Variants in LIFR observed in about 807,000 individuals in gnomAD.
The protein encoded by LIFR is leukemia inhibitory factor receptor.
LIFR carries 84 observed loss-of-function variants against 122.2 expected under a neutral mutation model. The ratio of observed to expected loss-of-function variants is 0.69; its 90% confidence interval spans 0.58 to 0.82. The LOEUF (loss-of-function observed/expected upper bound fraction) is 0.82. Among genes scored for constraint, LIFR ranks in the 40% least tolerant of loss-of-function variants. The pLI is 0.00. For missense variants in LIFR, 1,294 were observed against 1,311.6 expected (o/e 0.99, Z 0.21); for synonymous variants, 422 against 434.7 (o/e 0.97, Z 0.36).
intron 1 of LIFR, among the ~76,000 whole-genome samples, chr5:38,562,741 T>G (rs530051320): frequency 3.3e-5 from 5 of 152,316 alleles, no homozygotes; most frequent in Non-Finnish European, 7.3e-5. Context: ...GAATATATTA[T>G]TCTAAATATT....
intron 1 of LIFR, among the ~76,000 whole-genome samples, chr5:38,569,684 G>C (rs1749147050): frequency 6.6e-6 from 1 of 152,186 alleles, no homozygotes; most frequent in Non-Finnish European, 1.5e-5. Flanking sequence ...CTGCCCTACT[G>C]TGTGTCTTAC....
chr5:38,567,878 G>A (rs910725571), intron 1 of LIFR, among the ~76,000 whole-genome samples: 3 of 152,082 alleles, frequency 2.0e-5, no homozygotes, highest in Non-Finnish European at 4.4e-5. Context: ...TTCCCCCAGA[G>A]CAACTTAGGA....
Position 38,528,815 on chromosome 5 carries a change from T to G in LIFR, c.168A>C (p.Val56=), listed in dbSNP as rs1207516555. 4.4e-6 allele frequency: 7 copies of G among 1,575,874 alleles called. No homozygotes were observed. The African/African-American group carries it at 8.1e-5, about 18-fold the overall frequency. Residue 56 remains valine, a synonymous_variant, in exon 3 of 20, where the codon GTA becomes GTC. Transcript: ENST00000453190. ...AGTTCCACACTTGCAAATTGTTAGT[T>G]ACACACTTCAAATCATGAGGAGCCC... The part of the protein sequence containing the change: ...KKGAPHDLKC[V]TNNLQVWNCS...
At chr5:38,498,337 G>C (rs1744995303) in intron 12 of LIFR, among the ~76,000 whole-genome samples, 1 of 152,124 alleles carries the variant, frequency 6.6e-6, no homozygotes, top group Non-Finnish European at 1.5e-5. Flanking sequence ...CTCCTCTGCT[G>C]GTTCTATGCA....
At chr5:38,500,277 T>C (rs775666099) in intron 11 of LIFR, among the ~76,000 whole-genome samples, 23 of 152,232 alleles carry the variant, frequency 1.5e-4, no homozygotes, top group Non-Finnish European at 2.8e-4. Context: ...TCTGCTGCTA[T>C]ATCACTGCTA....
At chr5:38,545,493 C>T (rs1561195850) in intron 1 of LIFR, among the ~76,000 whole-genome samples, 1 of 151,610 alleles carries the variant, frequency 6.6e-6, no homozygotes, top group African/African-American at 2.4e-5. Flanking sequence ...ACTTATATTC[C>T]CTGAGCTTCC....
At chr5:38,517,309 T>C (rs1320578478) in intron 5 of LIFR, among the ~76,000 whole-genome samples, 4 of 152,166 alleles carry the variant, frequency 2.6e-5, no homozygotes, top group Non-Finnish European at 5.9e-5. Flanking sequence ...TACTATTTAC[T>C]TTGCAGACCC....
At chr5:38,545,678 C>T (rs934718613) in intron 1 of LIFR, among the ~76,000 whole-genome samples, 12 of 151,878 alleles carry the variant, frequency 7.9e-5, no homozygotes, top group Admixed American at 2.0e-4. Context: ...CTGGCTAACA[C>T]AGTGAAACCC....
Position 38,489,248 on chromosome 5 carries a change from G to T in LIFR, c.2168-3C>A, listed in dbSNP as rs1182230370. ...AAAATTTGGTGCAACAATGGGAGCTGTAAAAGGAAAAAGTCAATTGCTAAA... is the reference window on the plus strand; with the variant it reads ...AAAATTTGGTGCAACAATGGGAGCTTTAAAAGGAAAAAGTCAATTGCTAAA... On this transcript the variant is annotated splice_region_variant and splice_polypyrimidine_tract_variant and intron_variant, in intron 15 of 19. Coordinates refer to ENST00000453190, the MANE Select transcript of LIFR (RefSeq NM_001127671.2). The T allele has an allele frequency of 6.2e-7, 1 of 1,610,774 alleles. No individual in the cohort carries two copies.
At chr5:38,566,419 CT>C (rs1278596678) in intron 1 of LIFR, among the ~76,000 whole-genome samples, 3 of 152,194 alleles carry the variant, frequency 2.0e-5, no homozygotes, top group Admixed American at 6.5e-5. Flanking sequence ...CATTAAGAAT[CT>C]TTTTTCCCCC....
intron 1 of LIFR, among the ~76,000 whole-genome samples, chr5:38,537,230 C>T (rs771434798): frequency 3.9e-5 from 6 of 152,330 alleles, no homozygotes; most frequent in South Asian, 4.1e-4. Flanking sequence ...CCCTTCGAGA[C>T]GGCCATGAAC....
chr5:38,518,168 T>C (rs1489546949), intron 5 of LIFR, among the ~76,000 whole-genome samples: 2 of 151,948 alleles, frequency 1.3e-5, no homozygotes, highest in Admixed American at 6.6e-5. Context: ...GACCTGGGTC[T>C]TGAAATGCAG....
chr5:38,495,787 G>C (rs745848044), intron 13 of LIFR, among the ~76,000 whole-genome samples: 3 of 152,174 alleles, frequency 2.0e-5, no homozygotes, highest in African/African-American at 7.2e-5. Context: ...AAGCTGGGAA[G>C]AATGTATTAA....
At chr5:38,502,541 G>T in intron 11 of LIFR, 96 bp downstream of exon 11, 1 of 1,033,170 alleles carries the variant, frequency 9.7e-7, no homozygotes, top group Non-Finnish European at 1.5e-6. Flanking sequence ...TTACAGGTGT[G>T]ACCCACTGCA....
At position 38,485,801 on chromosome 5, in the gene LIFR, C is replaced by A. The variant is rs1744252388; in HGVS notation, c.2497+18G>T. 1 of 1,613,890 alleles carries A rather than the reference C, an allele frequency of 6.2e-7. No individual in the cohort carries two copies. On this transcript the variant is annotated intron_variant, in intron 17 of 19. Coordinates refer to ENST00000453190, the MANE Select transcript of LIFR (RefSeq NM_001127671.2). ...GCATGCAGGATGGAAAGCACCTCAA[C>A]AGCAACCTGAAACTTACAATTTTCC...
chr5:38,515,101 C>T (rs1268322972), intron 5 of LIFR, among the ~76,000 whole-genome samples: 2 of 152,090 alleles, frequency 1.3e-5, no homozygotes, highest in Admixed American at 1.3e-4. Flanking sequence ...CCACAGCTTC[C>T]TAAGAAATGT....
chr5:38,507,275 T>C (rs976277379), intron 7 of LIFR, among the ~76,000 whole-genome samples: 1 of 149,636 alleles, frequency 6.7e-6, no homozygotes, highest in Admixed American at 6.7e-5. Flanking sequence ...TTCAAAGTGA[T>C]AAATGAGCCC....
At chr5:38,502,937 A>T in intron 10 of LIFR, 138 bp from the exon 11 acceptor site, 1 of 438,612 alleles carries the variant, frequency 2.3e-6, no homozygotes, top group Non-Finnish European at 3.9e-6. Flanking sequence ...AATGTCAATG[A>T]GTTTGTATAT....
At chr5:38,512,877 A>T (rs1395909689) in intron 5 of LIFR, among the ~76,000 whole-genome samples, 1 of 152,164 alleles carries the variant, frequency 6.6e-6, no homozygotes, top group Non-Finnish European at 1.5e-5. Flanking sequence ...AGTCAAGGAG[A>T]GGGGCAGCAT....
Sources: gnomAD v4.1 joint callset for allele counts (sites outside exome capture counted in the v4.1 genomes callset) on GRCh38, gnomAD v4.1.1 for gene constraint, MANE v1.5 for transcripts, NCBI Gene and HGNC (gene_info 2026-07-23, HGNC 2026-07-21) for gene names.